Variants in UTRN observed in about 807,000 individuals in gnomAD.
UTRN encodes the protein dystrophin-related protein 1.
UTRN carries 283 observed loss-of-function variants against 463.9 expected under a neutral mutation model. The ratio of observed to expected loss-of-function variants is 0.61; its 90% confidence interval spans 0.55 to 0.67. The LOEUF is 0.67. UTRN is among the 30% of genes least tolerant of loss of function. The probability of loss-of-function intolerance (pLI) is 0.00; values close to 1 mark genes in which losing one functional copy is unlikely to be tolerated. For synonymous variants in UTRN, 1,442 were observed against 1,431.5 expected (o/e 1.01, Z -0.17); for missense variants, 3,922 against 4,084.3 (o/e 0.96, Z 1.08).
At chr6:144,425,438 T>C (rs1380273764) in intron 6 of UTRN, among the ~76,000 whole-genome samples, 1 of 152,216 alleles carries the variant, frequency 6.6e-6, no homozygotes, top group African/African-American at 2.4e-5. Flanking sequence ...ACTTTGAGAC[T>C]GTATAAATAT....
At chr6:144,404,421 A>G (rs1021216738) in intron 3 of UTRN, among the ~76,000 whole-genome samples, 6 of 152,202 alleles carry the variant, frequency 3.9e-5, no homozygotes, top group Admixed American at 3.3e-4. Flanking sequence ...TGAACTATTC[A>G]TCTGCATGTG....
intron 51 of UTRN, among the ~76,000 whole-genome samples, chr6:144,635,803 T>C (rs1777110630): frequency 6.6e-6 from 1 of 152,078 alleles, no homozygotes; most frequent in Admixed American, 6.5e-5. Flanking sequence ...CCTCCCAAAG[T>C]TCTGGGAGTA....
chr6:144,827,625 C>T lies in UTRN; in HGVS notation c.9548C>T (p.Pro3183Leu), dbSNP rs1780301927. 3.1e-6 allele frequency: 5 copies of T among 1,613,424 alleles called. No homozygotes were observed. Among genetic ancestry groups the T allele is most frequent in the Admixed American group, 3.3e-5 (2 of 59,928 alleles). Residue 3183 changes from proline to leucine, a missense_variant, in exon 68 of 75, where the codon CCT becomes CTT. This residue lies in a region of UTRN where 1,309 missense variants were observed against 1,452.6 expected (regional missense o/e 0.90). Coordinates refer to ENST00000367545, the MANE Select transcript of UTRN (RefSeq NM_007124.3). ...WPEHYDPSQS[P>L]QLFHDDTHSR... ...TTCTTTTAAAGCCCCTCACAATCTC[C>T]TCAACTGTTTCATGATGACACCCAT...
chr6:144,526,746 G>GT (rs200877832), intron 41 of UTRN, among the ~76,000 whole-genome samples: 1,390 of 130,710 alleles, frequency 0.011, 5 homozygotes, highest in African/African-American at 0.015. Context: ...CAATACCTTG[G>GT]TTTTTTTTTT....
At chr6:144,346,292 T>C (rs1777563260) in intron 2 of UTRN, among the ~76,000 whole-genome samples, 1 of 152,198 alleles carries the variant, frequency 6.6e-6, no homozygotes, top group African/African-American at 2.4e-5. Context: ...CATTCTTTCC[T>C]GCCCTATGAC....
At chr6:144,663,676 T>C (rs1780108754) in intron 51 of UTRN, among the ~76,000 whole-genome samples, 1 of 152,200 alleles carries the variant, frequency 6.6e-6, no homozygotes. Flanking sequence ...GCTGTGTGTG[T>C]GAGTGCCGTT....
intron 51 of UTRN, among the ~76,000 whole-genome samples, chr6:144,600,919 C>G (rs140521499): frequency 1.3e-5 from 2 of 152,260 alleles, no homozygotes; most frequent in Admixed American, 6.5e-5. Flanking sequence ...CCATTGCTCA[C>G]CTACCATTCC....
At chr6:144,496,643 T>A (rs1793671698) in intron 33 of UTRN, among the ~76,000 whole-genome samples, 1 of 152,218 alleles carries the variant, frequency 6.6e-6, no homozygotes, top group Non-Finnish European at 1.5e-5. Context: ...TGAGGAAAGA[T>A]ATAAATTATC....
At chr6:144,714,956 C>T (rs191189817) in intron 53 of UTRN, among the ~76,000 whole-genome samples, 6 of 151,404 alleles carry the variant, frequency 4.0e-5, no homozygotes, top group African/African-American at 1.5e-4. Context: ...AGTTTCCCTT[C>T]CTGGTTCTTC....
At chr6:144,743,444 A>G (rs1554366173) in intron 54 of UTRN, among the ~76,000 whole-genome samples, 1 of 152,180 alleles carries the variant, frequency 6.6e-6, no homozygotes, top group Non-Finnish European at 1.5e-5. Context: ...TTTTTCCTCT[A>G]CTATCAAGAT....
At chr6:144,780,665 T>A (rs1437928564) in intron 60 of UTRN, among the ~76,000 whole-genome samples, 4 of 152,184 alleles carry the variant, frequency 2.6e-5, no homozygotes, top group African/African-American at 9.7e-5. Flanking sequence ...AAAAAATTTG[T>A]CGTTTTCATC....
At chr6:144,746,321 A>C (rs1253485743) in intron 54 of UTRN, among the ~76,000 whole-genome samples, 1 of 151,872 alleles carries the variant, frequency 6.6e-6, no homozygotes, top group Non-Finnish European at 1.5e-5. Flanking sequence ...TTAAAGGTAT[A>C]AGGATTTAAA....
At chr6:144,389,837 G>T (rs1007773123) in intron 2 of UTRN, among the ~76,000 whole-genome samples, 5 of 152,164 alleles carry the variant, frequency 3.3e-5, no homozygotes, top group African/African-American at 1.2e-4. Flanking sequence ...GACCTCAGAT[G>T]ATCCGCCCAT....
intron 25 of UTRN, 99 bp downstream of exon 25, chr6:144,474,858 C>T (rs955350275): frequency 2.1e-5 from 29 of 1,385,200 alleles, no homozygotes; most frequent in African/African-American, 4.4e-5. Context: ...GTTTGAAAAA[C>T]GATGGTCTAG....
chr6:144,686,050 A>G (rs971022480), intron 52 of UTRN, among the ~76,000 whole-genome samples: 4 of 152,066 alleles, frequency 2.6e-5, no homozygotes, highest in African/African-American at 9.7e-5. Context: ...TAAGTCTTTA[A>G]TCCATGTTGA....
chr6:144,541,342 C>T (rs779006062), intron 45 of UTRN, among the ~76,000 whole-genome samples: 5 of 152,134 alleles, frequency 3.3e-5, no homozygotes, highest in African/African-American at 4.8e-5. Flanking sequence ...CATATTCAGT[C>T]GGAGCACACA....
Position 144,533,129 on chromosome 6 carries a change from A to C in UTRN, c.6102A>C (p.Ala2034=). ...GISSHQPSFA[A]LNRTGDGIVQ... is the part of the protein sequence containing the mutation. ...GCAGCCACCAGCCCAGTTTTGCAGCACTAAACCGAACTGGGGATGGGATTG... is the reference window on the plus strand; with the variant it reads ...GCAGCCACCAGCCCAGTTTTGCAGCCCTAAACCGAACTGGGGATGGGATTG... The change falls in exon 43 of 75, where the codon GCA becomes GCC. Residue 2034 remains alanine, a synonymous_variant. Coordinates refer to ENST00000367545, the MANE Select transcript of UTRN (RefSeq NM_007124.3). 6.2e-7 allele frequency: 1 copy of C among 1,614,076 alleles called. No individual in the cohort carries two copies. The highest frequency in any genetic ancestry group is 8.5e-7 in the Non-Finnish European group (1 of 1,179,968).
intron 53 of UTRN, among the ~76,000 whole-genome samples, chr6:144,711,289 C>G (rs1010975960): frequency 1.3e-5 from 2 of 151,904 alleles, no homozygotes; most frequent in African/African-American, 4.8e-5. Flanking sequence ...GCACTCCAGC[C>G]TGGCAACAGA....
intron 62 of UTRN, among the ~76,000 whole-genome samples, chr6:144,793,163 A>G (rs1473311952): frequency 6.6e-6 from 1 of 152,186 alleles, no homozygotes; most frequent in Non-Finnish European, 1.5e-5. Flanking sequence ...AAAATAAGTT[A>G]TAATATATAT....
Sources: allele counts gnomAD v4.1 joint callset (sites outside exome capture counted in the v4.1 genomes callset), GRCh38; gene constraint gnomAD v4.1.1; regional missense constraint gnomAD v4.1.1; transcripts MANE v1.5; gene names NCBI Gene and HGNC (gene_info 2026-07-23, HGNC 2026-07-21).